The following KLF12 variants were observed in gnomAD, a reference collection of about 807,000 sequenced individuals.
KLF12 encodes Krueppel-like factor 12.
A neutral mutation model predicts 37.8 loss-of-function variants in KLF12; 9 were observed. That is an observed-to-expected ratio of 0.24 (90% CI 0.14 to 0.42). The LOEUF is 0.42. Ranked by LOEUF, KLF12 falls within the 10% of genes least tolerant of loss-of-function variation. KLF12 has a pLI of 1.00. For synonymous variants in KLF12, 208 were observed against 202.1 expected (o/e 1.03, Z -0.25); for missense variants, 411 against 516.0 (o/e 0.80, Z 1.97).
chr13:74,107,033 A>T (rs575285761), intron 1 of KLF12, among the ~76,000 whole-genome samples: 1 of 152,336 alleles, frequency 6.6e-6, no homozygotes, highest in African/African-American at 2.4e-5. Flanking sequence ...TCCAAGATCA[A>T]GGCACCAGCA....
intron 4 of KLF12, among the ~76,000 whole-genome samples, chr13:73,814,345 T>C (rs1883103312): frequency 6.6e-6 from 1 of 152,226 alleles, no homozygotes; most frequent in African/African-American, 2.4e-5. Flanking sequence ...AAATCACTTT[T>C]TTTGGTTACT....
intron 5 of KLF12, among the ~76,000 whole-genome samples, chr13:73,778,196 G>T (rs1880742098): frequency 6.6e-6 from 1 of 151,920 alleles, no homozygotes; most frequent in Non-Finnish European, 1.5e-5. Flanking sequence ...AGTCAAAGGA[G>T]CCAATGGAAA....
At chr13:74,157,671 CCCAGACCAG>C in the KLF12 span, among the ~76,000 whole-genome samples, 2 of 152,150 alleles carry the variant, frequency 1.3e-5, no homozygotes, top group African/African-American at 4.8e-5. Context: ...TGGGATGTAC[CCCAGACCAG>C]TCATTAAGCT....
intron 3 of KLF12, among the ~76,000 whole-genome samples, chr13:73,928,381 C>T (rs1393371671): frequency 6.6e-6 from 1 of 152,166 alleles, no homozygotes; most frequent in Non-Finnish European, 1.5e-5. Context: ...ATGGTGACCA[C>T]AATACTCTAT....
At chr13:74,113,415 G>C (rs888820395) in intron 1 of KLF12, among the ~76,000 whole-genome samples, 3 of 152,224 alleles carry the variant, frequency 2.0e-5, no homozygotes, top group Admixed American at 6.5e-5. Context: ...CTGACTGTTA[G>C]GGAATAATGT....
intron 3 of KLF12, among the ~76,000 whole-genome samples, chr13:73,862,269 T>C (rs1451356372): frequency 6.6e-6 from 1 of 152,132 alleles, no homozygotes; most frequent in Non-Finnish European, 1.5e-5. Flanking sequence ...TGTCTAAAAA[T>C]TATAAACCTG....
intron 3 of KLF12, among the ~76,000 whole-genome samples, chr13:73,894,388 C>T (rs1887660019): frequency 6.6e-6 from 1 of 152,122 alleles, no homozygotes; most frequent in African/African-American, 2.4e-5. Context: ...TTTGAGCCTG[C>T]AGGGATCTAA....
chr13:74,002,096 C>G lies in KLF12; in HGVS notation c.-31-7043G>C, dbSNP rs147839397. On this transcript the variant is annotated intron_variant, in intron 1 of 7. Transcript: ENST00000377669. The stretch of plus-strand genomic sequence containing the variant: ...TTTGATATTTTTAATGATTATCTTA[C>G]AGGTTGCCGAGTGCCTTACTGAACA... Among the ~76,000 whole-genome samples the G allele has an allele frequency of 1.2e-3, 188 of 152,292 alleles. 3 individuals are homozygous for G. Among genetic ancestry groups the G allele is most frequent in the South Asian group, 2.9e-3 (14 of 4,830 alleles).
intron 4 of KLF12, among the ~76,000 whole-genome samples, chr13:73,831,492 T>C (rs1884154411): frequency 6.6e-6 from 1 of 152,186 alleles, no homozygotes; most frequent in Non-Finnish European, 1.5e-5. Context: ...CTTTTTCAAA[T>C]GGACTGATGA....
intron 3 of KLF12, among the ~76,000 whole-genome samples, chr13:73,933,826 T>C (rs989479374): frequency 6.6e-6 from 1 of 152,100 alleles, no homozygotes; most frequent in African/African-American, 2.4e-5. Context: ...AAAATGTTTT[T>C]TTTTAAATTC....
In KLF12 at chr13:73,964,475, A is replaced by C. The variant is rs116228578; in HGVS notation, c.34-20405T>G. Among the ~76,000 whole-genome samples, 624 of 152,198 alleles carry C rather than the reference A, an allele frequency of 4.1e-3. 2 individuals are homozygous for C. The highest frequency in any genetic ancestry group is 0.014 in the African/African-American group (580 of 41,508). On this transcript the variant is annotated intron_variant, in intron 2 of 7. Coordinates refer to ENST00000377669, the MANE Select transcript of KLF12 (RefSeq NM_007249.5). ...CGCTCAATTTCAGAAACACTCTATA[A>C]GAATCTTAGGTCAGCCGAGCACGGT...
chr13:74,054,528 A>C (rs1451742305), intron 1 of KLF12, among the ~76,000 whole-genome samples: 1 of 151,998 alleles, frequency 6.6e-6, no homozygotes, highest in Non-Finnish European at 1.5e-5. Flanking sequence ...AAGACAGAAC[A>C]AAAGAGAACT....
At chr13:74,270,536 GC>G in the KLF12 span, among the ~76,000 whole-genome samples, 1 of 152,324 alleles carries the variant, frequency 6.6e-6, no homozygotes, top group African/African-American at 2.4e-5. Context: ...GGACACGGAA[GC>G]TTTGTGTTTG....
intron 4 of KLF12, among the ~76,000 whole-genome samples, chr13:73,845,281 A>G (rs1467321081): frequency 6.6e-6 from 1 of 152,226 alleles, no homozygotes; most frequent in Admixed American, 6.5e-5. Context: ...ATACTACTAT[A>G]GTCAAACACC....
At chr13:73,747,734 T>C (rs908293747) in intron 6 of KLF12, among the ~76,000 whole-genome samples, 13 of 152,154 alleles carry the variant, frequency 8.5e-5, no homozygotes, top group Non-Finnish European at 1.6e-4. Context: ...ATTTTACAGA[T>C]TAGGAACCAG....
chr13:73,971,882 C>T (rs28657975), intron 2 of KLF12, among the ~76,000 whole-genome samples: 7,302 of 152,184 alleles, frequency 0.048, 370 homozygotes, highest in African/African-American at 0.13. Context: ...AGAAAGCTAA[C>T]AGATTTTTTT....
chr13:73,904,483 T>TTTTTTTTTTTTTTTTTTTTG (rs1381787185), intron 3 of KLF12, among the ~76,000 whole-genome samples: 1 of 149,032 alleles, frequency 6.7e-6, no homozygotes, highest in Non-Finnish European at 1.5e-5. Context: ...TTTTTTTTTT[T>TTTTTTTTTTTTTTTTTTTTG]TTTTTTTTTA....
chr13:74,125,720 T>C (rs920847365), intron 1 of KLF12, among the ~76,000 whole-genome samples: 2 of 152,228 alleles, frequency 1.3e-5, no homozygotes, highest in Non-Finnish European at 2.9e-5. Context: ...CAGCAAACAA[T>C]TGACTTCTTT....
the KLF12 span, among the ~76,000 whole-genome samples, chr13:74,293,237 G>A: frequency 6.6e-6 from 1 of 152,130 alleles, no homozygotes; most frequent in African/African-American, 2.4e-5. Context: ...ATGAGGTGTG[G>A]GAAGCTGGGC....
Sources: gnomAD v4.1 joint callset for allele counts (sites outside exome capture counted in the v4.1 genomes callset) on GRCh38, gnomAD v4.1.1 for gene constraint, MANE v1.5 for transcripts, NCBI Gene and HGNC (gene_info 2026-07-23, HGNC 2026-07-21) for gene names.